HSD17B4: variants seen among roughly 807,000 people sequenced by gnomAD.
The protein encoded by HSD17B4 is peroxisomal multifunctional enzyme type 2.
Under a neutral mutation model 101.0 loss-of-function variants are expected in HSD17B4, and 70 were observed. The ratio of observed to expected loss-of-function variants is 0.69; its 90% CI spans 0.57 to 0.85. The LOEUF (loss-of-function observed/expected upper bound fraction) is 0.85. Among genes scored for constraint, HSD17B4 ranks in the 40% least tolerant of loss-of-function variants. The pLI is 0.00. For synonymous variants in HSD17B4, 347 were observed against 297.1 expected (o/e 1.17, Z -1.73); for missense variants, 984 against 892.4 (o/e 1.10, Z -1.31).
At chr5:119,484,691 A>C (rs1267692128) in intron 8 of HSD17B4, among the ~76,000 whole-genome samples, 3 of 152,158 alleles carry the variant, frequency 2.0e-5, no homozygotes, top group African/African-American at 4.8e-5. Context: ...TTATGGTACC[A>C]TATATTTTCC....
At chr5:119,468,383 A>C (rs1328775093) in intron 2 of HSD17B4, among the ~76,000 whole-genome samples, 7 of 150,378 alleles carry the variant, frequency 4.7e-5, no homozygotes, top group Admixed American at 2.0e-4. Flanking sequence ...TTGCTGGAGT[A>C]GTGTTCTTGG....
chr5:119,467,484 A>G (rs988404882), intron 2 of HSD17B4, among the ~76,000 whole-genome samples: 2 of 152,164 alleles, frequency 1.3e-5, no homozygotes, highest in African/African-American at 2.4e-5. Context: ...TGTTGGGTGC[A>G]TATATATTTA....
chr5:119,531,120 G>A (rs1373321201), intron 21 of HSD17B4, 146 bp from the exon 22 acceptor site: 2 of 727,086 alleles, frequency 2.8e-6, no homozygotes, highest in Admixed American at 4.6e-5. Context: ...ATACAAATAA[G>A]AAAGTATGAA....
intron 7 of HSD17B4, chr5:119,478,142 G>T (rs143297660): frequency 1.3e-5 from 2 of 156,384 alleles, no homozygotes; most frequent in African/African-American, 4.8e-5. Context: ...CTAGTCAGAC[G>T]TGAGTTAGTC....
chr5:119,541,915 G>A lies in HSD17B4; in HGVS notation c.2132G>A (p.Ser711Asn), dbSNP rs1221343614. ...GKLDPQKAFF[S>N]GRLKARGNIM... ...CTCCTCTCCTTGCAGGCATTCTTTA[G>A]TGGCAGGCTGAAGGCCAGAGGGAAC... The change falls in exon 24 of 24, where the codon AGT becomes AAT. Residue 711 changes from serine (S) to asparagine (N), a missense_variant. Transcript: ENST00000510025. 1.2e-6 allele frequency: 2 copies of A among 1,609,604 alleles called. No homozygotes were observed. Among genetic ancestry groups the A allele is most frequent in the East Asian group, 2.2e-5 (1 of 44,832 alleles).
At chr5:119,521,566 T>G (rs574932092) in intron 17 of HSD17B4, among the ~76,000 whole-genome samples, 4 of 152,240 alleles carry the variant, frequency 2.6e-5, no homozygotes, top group African/African-American at 7.2e-5. Context: ...TAGTTGCTTC[T>G]TGATCTCATT....
chr5:119,476,200 T>C (rs1243130849), intron 6 of HSD17B4, among the ~76,000 whole-genome samples: 2 of 152,238 alleles, frequency 1.3e-5, no homozygotes, highest in Admixed American at 6.5e-5. Context: ...TTTAACGTGC[T>C]TATCCAGCTG....
At position 119,541,940 on chromosome 5, in the gene HSD17B4, C is replaced by G; in HGVS notation, c.2157C>G (p.Asn719Lys). 6.2e-7 allele frequency: 1 copy of G among 1,613,102 alleles called. No homozygotes were observed. Among genetic ancestry groups the G allele is most frequent in the Non-Finnish European group, 8.5e-7 (1 of 1,179,424 alleles). Reference protein sequence around the residue: ...FFSGRLKARGNIMLSQKLQMI... With the variant: ...FFSGRLKARGKIMLSQKLQMI... ...GTGGCAGGCTGAAGGCCAGAGGGAA[C>G]ATCATGCTGAGCCAGAAACTTCAGA... The change falls in exon 24 of 24, where the codon AAC becomes AAG. Residue 719 changes from asparagine (N) to lysine (K), a missense_variant. Transcript: ENST00000510025.
chr5:119,492,414 A>T (rs1311420753), intron 10 of HSD17B4: 7 of 379,816 alleles, frequency 1.8e-5, no homozygotes, highest in Non-Finnish European at 3.4e-5. Context: ...TATATTGATA[A>T]TCATCCTCCC....
At chr5:119,479,251 C>T (rs189540562) in intron 8 of HSD17B4, among the ~76,000 whole-genome samples, 15 of 151,994 alleles carry the variant, frequency 9.9e-5, no homozygotes, top group Non-Finnish European at 4.4e-5. Context: ...TTCTTTTTCT[C>T]TGCATATTCA....
intron 2 of HSD17B4, among the ~76,000 whole-genome samples, chr5:119,467,560 T>G (rs926572940): frequency 3.9e-5 from 6 of 152,248 alleles, no homozygotes; most frequent in Non-Finnish European, 1.5e-5. Context: ...TTTTTCTCTT[T>G]GCACTGTTTT....
intron 9 of HSD17B4, among the ~76,000 whole-genome samples, chr5:119,489,505 C>G (rs1749907040): frequency 2.6e-5 from 4 of 152,068 alleles, no homozygotes; most frequent in Admixed American, 2.6e-4. Context: ...GAAAATGTGG[C>G]TGGTTTGATC....
intron 1 of HSD17B4, among the ~76,000 whole-genome samples, chr5:119,455,970 A>G (rs562517434): frequency 3.3e-5 from 5 of 152,262 alleles, no homozygotes; most frequent in South Asian, 2.1e-4. Flanking sequence ...CTTCTTAACA[A>G]CAACAGCCAG....
At chr5:119,534,441 A>G (rs1229052041) in intron 22 of HSD17B4, among the ~76,000 whole-genome samples, 4 of 152,136 alleles carry the variant, frequency 2.6e-5, no homozygotes, top group Non-Finnish European at 4.4e-5. Flanking sequence ...GAGGTTATCT[A>G]TTTTGAATCT....
chr5:119,458,857 G>A (rs1754934301), intron 2 of HSD17B4, among the ~76,000 whole-genome samples: 1 of 151,914 alleles, frequency 6.6e-6, no homozygotes, highest in Non-Finnish European at 1.5e-5. Context: ...TAGGTTATTG[G>A]GAATTCAGTA....
chr5:119,484,525 A>G (rs980355891), intron 8 of HSD17B4, among the ~76,000 whole-genome samples: 2 of 152,194 alleles, frequency 1.3e-5, no homozygotes, highest in African/African-American at 4.8e-5. Flanking sequence ...TATATATAAT[A>G]GTTGACTATG....
chr5:119,504,975 C>T (rs985412829), intron 14 of HSD17B4, among the ~76,000 whole-genome samples: 3 of 152,102 alleles, frequency 2.0e-5, no homozygotes, highest in African/African-American at 7.2e-5. Flanking sequence ...TATGGCTAGC[C>T]AGTTATCTCA....
intron 2 of HSD17B4, among the ~76,000 whole-genome samples, chr5:119,458,307 C>T (rs1212959827): frequency 1.3e-5 from 2 of 151,704 alleles, no homozygotes; most frequent in Non-Finnish European, 2.9e-5. Context: ...ACATGTACAC[C>T]ATAGACACCG....
At chr5:119,509,699 C>T (rs1751997325) in intron 16 of HSD17B4, among the ~76,000 whole-genome samples, 1 of 152,106 alleles carries the variant, frequency 6.6e-6, no homozygotes, top group Non-Finnish European at 1.5e-5. Context: ...CTGCAGGAGT[C>T]TTAGGGAGCC....
Sources: allele counts gnomAD v4.1 joint callset (sites outside exome capture counted in the v4.1 genomes callset), GRCh38; gene constraint gnomAD v4.1.1; transcripts MANE v1.5; gene names NCBI Gene and HGNC (gene_info 2026-07-23, HGNC 2026-07-21).